Variants in ITFG1 observed in about 807,000 individuals in gnomAD.
ITFG1 encodes the protein integrin alpha FG-GAP repeat containing 1.
In ITFG1, 34 loss-of-function variants were observed where a neutral mutation model predicts 81.8. The ratio of observed to expected loss-of-function variants is 0.42; its 90% CI spans 0.32 to 0.55. The LOEUF (loss-of-function observed/expected upper bound fraction) is 0.55, where lower values mean the gene tolerates loss of function less well. Among genes scored for constraint, ITFG1 ranks in the 20% least tolerant of loss-of-function variants. The pLI is 0.17. For synonymous variants in ITFG1, 285 were observed against 270.6 expected (o/e 1.05, Z -0.52); for missense variants, 672 against 755.4 (o/e 0.89, Z 1.29).
At chr16:47,259,217 A>G (rs1055005402) in intron 11 of ITFG1, among the ~76,000 whole-genome samples, 1 of 152,196 alleles carries the variant, frequency 6.6e-6, no homozygotes, top group Admixed American at 6.5e-5. Context: ...GTCATTTATC[A>G]TATTTTTAAA....
chr16:47,430,934 G>A (rs1969088030), intron 5 of ITFG1, among the ~76,000 whole-genome samples: 1 of 152,178 alleles, frequency 6.6e-6, no homozygotes, highest in South Asian at 2.1e-4. Flanking sequence ...ATTCCCATCA[G>A]TGGATAAATG....
chr16:47,241,593 T>C (rs1965934064), intron 12 of ITFG1, among the ~76,000 whole-genome samples: 1 of 152,190 alleles, frequency 6.6e-6, no homozygotes, highest in South Asian at 2.1e-4. Context: ...ATGTCCAGAA[T>C]AGGCAAATCG....
chr16:47,334,240 G>C lies in ITFG1; in HGVS notation c.803-20417C>G, dbSNP rs547233846. 5.3e-5 allele frequency among the ~76,000 whole-genome samples: 8 copies of C among 152,156 alleles called. No homozygotes were observed. The East Asian group carries it at 1.5e-3, about 29-fold the overall frequency. On this transcript the variant is annotated intron_variant, in intron 8 of 17. Coordinates refer to ENST00000320640, the MANE Select transcript of ITFG1 (RefSeq NM_030790.5). ...GAAGCAGGTGGACTGCTTGAGCCCAGGAGTTCAAGACAAGCCTGGGCAACA... is the reference window on the plus strand; with the variant it reads ...GAAGCAGGTGGACTGCTTGAGCCCACGAGTTCAAGACAAGCCTGGGCAACA...
chr16:47,277,773 AATAC>A (rs1206674886), intron 10 of ITFG1, among the ~76,000 whole-genome samples: 2 of 152,210 alleles, frequency 1.3e-5, no homozygotes, highest in Non-Finnish European at 2.9e-5. Context: ...ACGCACAAAA[AATAC>A]ATACTACAAC....
At chr16:47,320,873 G>A (rs1967438020) in intron 8 of ITFG1, among the ~76,000 whole-genome samples, 1 of 152,124 alleles carries the variant, frequency 6.6e-6, no homozygotes, top group South Asian at 2.1e-4. Context: ...AAAACCCACT[G>A]CAAAGTTGTC....
At chr16:47,431,878 TAA>T (rs1450030849) in intron 5 of ITFG1, among the ~76,000 whole-genome samples, 1 of 152,122 alleles carries the variant, frequency 6.6e-6, no homozygotes, top group Non-Finnish European at 1.5e-5. Context: ...CAAGTTTAAA[TAA>T]AGTCATTCCC....
At chr16:47,159,014 T>A in intron 16 of ITFG1, 24 bp from the exon 17 acceptor site, 1 of 1,236,804 alleles carries the variant, frequency 8.1e-7, no homozygotes, top group Non-Finnish European at 1.1e-6. Context: ...CAGAACAAAT[T>A]AAAATTACAA....
At chr16:47,199,058 G>A (rs1965391454) in intron 14 of ITFG1, among the ~76,000 whole-genome samples, 1 of 152,124 alleles carries the variant, frequency 6.6e-6, no homozygotes, top group South Asian at 2.1e-4. Context: ...TGGATCACTT[G>A]AGGCCAGGAG....
chr16:47,200,225 T>A (rs948831841), intron 14 of ITFG1, among the ~76,000 whole-genome samples: 1 of 152,208 alleles, frequency 6.6e-6, no homozygotes, highest in African/African-American at 2.4e-5. Flanking sequence ...AGCTTAACAA[T>A]GCATTTTGCA....
intron 5 of ITFG1, chr16:47,448,594 G>A (rs1219656898): frequency 6.7e-6 from 1 of 148,350 alleles, no homozygotes; most frequent in Non-Finnish European, 1.5e-5. Context: ...CTCAGTACGT[G>A]AGTCAGAAAA....
chr16:47,352,047 C>G (rs1199338302), intron 8 of ITFG1, among the ~76,000 whole-genome samples: 2 of 152,140 alleles, frequency 1.3e-5, no homozygotes, highest in African/African-American at 2.4e-5. Context: ...ACACCTTATA[C>G]AAAAATTAAT....
At chr16:47,377,526 G>A (rs1055245862) in intron 6 of ITFG1, among the ~76,000 whole-genome samples, 6 of 152,034 alleles carry the variant, frequency 3.9e-5, no homozygotes, top group East Asian at 3.9e-4. Context: ...CAAAGTAGTC[G>A]CCAGATTTTA....
At chr16:47,419,936 T>C (rs935300456) in intron 6 of ITFG1, among the ~76,000 whole-genome samples, 5 of 151,412 alleles carry the variant, frequency 3.3e-5, no homozygotes, top group African/African-American at 1.2e-4. Flanking sequence ...CTCTTTCACC[T>C]TTTTTTCTTT....
chr16:47,440,545 C>G (rs528113819), intron 5 of ITFG1, among the ~76,000 whole-genome samples: 29 of 152,224 alleles, frequency 1.9e-4, no homozygotes, highest in African/African-American at 6.5e-4. Context: ...CTCAAAACCG[C>G]TCAACTACAT....
intron 8 of ITFG1, among the ~76,000 whole-genome samples, chr16:47,336,297 A>G (rs957508498): frequency 1.3e-5 from 2 of 152,206 alleles, no homozygotes; most frequent in African/African-American, 4.8e-5. Context: ...AACCAAGCAA[A>G]TGCTGAATCA....
At chr16:47,190,765 A>C (rs1965282762) in intron 14 of ITFG1, among the ~76,000 whole-genome samples, 1 of 152,240 alleles carries the variant, frequency 6.6e-6, no homozygotes, top group African/African-American at 2.4e-5. Flanking sequence ...CCTAAAATTT[A>C]CTGGCTTAGA....
chr16:47,277,210 T>C (rs1966406837), intron 10 of ITFG1, among the ~76,000 whole-genome samples: 1 of 152,224 alleles, frequency 6.6e-6, no homozygotes, highest in Non-Finnish European at 1.5e-5. Flanking sequence ...AAAAACATTA[T>C]ATTATCTTAA....
intron 14 of ITFG1, among the ~76,000 whole-genome samples, chr16:47,175,350 ATTAT>A (rs1338099024): frequency 6.6e-6 from 1 of 150,600 alleles, no homozygotes; most frequent in Non-Finnish European, 1.5e-5. Context: ...TAATACATAA[ATTAT>A]TTAATAATTT....
intron 13 of ITFG1, among the ~76,000 whole-genome samples, chr16:47,231,518 T>C (rs1259008820): frequency 6.6e-6 from 1 of 152,216 alleles, no homozygotes; most frequent in African/African-American, 2.4e-5. Context: ...ATTTGTGATG[T>C]TTAAAAAGAT....
Sources: gnomAD v4.1 joint callset for allele counts (sites outside exome capture counted in the v4.1 genomes callset) on GRCh38, gnomAD v4.1.1 for gene constraint, MANE v1.5 for transcripts, NCBI Gene and HGNC (gene_info 2026-07-23, HGNC 2026-07-21) for gene names.